The following DNAH6 variants were observed in gnomAD, a reference collection of about 807,000 sequenced individuals.
DNAH6 encodes dynein axonemal heavy chain 6, also known as axonemal beta dynein heavy chain 6.
DNAH6 carries 340 observed loss-of-function variants against 491.4 expected under a neutral mutation model. That is an observed-to-expected ratio of 0.69 (90% CI 0.63 to 0.76). The LOEUF (loss-of-function observed/expected upper bound fraction) is 0.76. Ranked by LOEUF, DNAH6 falls within the 30% of genes least tolerant of loss-of-function variation. The probability of loss-of-function intolerance (pLI) is 0.00; values close to 1 mark genes in which losing one functional copy is unlikely to be tolerated. For missense variants in DNAH6, 4,443 were observed against 4,972.2 expected (o/e 0.89, Z 3.20); for synonymous variants, 1,603 against 1,686.1 (o/e 0.95, Z 1.21).
At chr2:84,804,101 G>A (rs1238811342) in intron 70 of DNAH6, among the ~76,000 whole-genome samples, 2 of 151,738 alleles carry the variant, frequency 1.3e-5, no homozygotes, top group Admixed American at 6.6e-5. Context: ...CAGCTACTTG[G>A]AGGCTGAGGC....
In DNAH6 at chr2:84,796,396, TAGA is replaced by T. The variant is rs755768699; in HGVS notation, c.11337_11339del (p.Glu3779del). 3.3e-5 allele frequency: 50 copies of T among 1,528,180 alleles called. No homozygotes were observed. In the African/African-American group the frequency reaches 5.4e-4, roughly 16 times the overall value. The allele number at this position is 1,528,180 out of a possible 1,614,324, so 94.7% of individuals were successfully genotyped here. A position where few individuals can be genotyped will look rare whatever the true frequency, so the allele number is the denominator to read the frequency against. On this transcript the variant is annotated inframe_deletion, in exon 69 of 77. Transcript: ENST00000389394. ...AAAAGATTTTTTTCTCCTGAAACAT[TAGA>T]AGAAGATTATAAATACTCTGAATCA...
intron 63 of DNAH6, among the ~76,000 whole-genome samples, chr2:84,755,526 T>G (rs1673925456): frequency 6.6e-6 from 1 of 152,220 alleles, no homozygotes; most frequent in Non-Finnish European, 1.5e-5. Context: ...CTAACTTGTT[T>G]ATTGGTTTTA....
At chr2:84,473,407 C>A in the DNAH6 span, among the ~76,000 whole-genome samples, 2 of 152,286 alleles carry the variant, frequency 1.3e-5, no homozygotes, top group Non-Finnish European at 1.5e-5. Flanking sequence ...AGCCACTCAA[C>A]CTGATCATCC....
chr2:84,723,193 A>G (rs1320191086), intron 60 of DNAH6, among the ~76,000 whole-genome samples: 3 of 152,128 alleles, frequency 2.0e-5, no homozygotes, highest in Non-Finnish European at 4.4e-5. Context: ...GTGCCACTGC[A>G]CTCCAGCCTG....
At chr2:84,735,519 T>G (rs1699466025) in intron 62 of DNAH6, among the ~76,000 whole-genome samples, 2 of 152,220 alleles carry the variant, frequency 1.3e-5, no homozygotes, top group African/African-American at 4.8e-5. Flanking sequence ...CAACAGTATG[T>G]AAGCATTCTC....
At chr2:84,688,033 G>C (rs186808799) in intron 44 of DNAH6, among the ~76,000 whole-genome samples, 23 of 152,090 alleles carry the variant, frequency 1.5e-4, no homozygotes, top group Middle Eastern at 3.4e-3. Flanking sequence ...TCAGGAGCTC[G>C]AGATCAGCCT....
Position 84,594,088 on chromosome 2 carries a change from A to G in DNAH6, c.2724+3A>G. ...AACTCCAACAAGAATGGTTAAAGGT[A>G]GGGGAAAAAAGCCTTCAGTTCTCAA... On this transcript the variant is annotated splice_donor_region_variant and intron_variant, in intron 17 of 76. Transcript: ENST00000389394. 2.8e-6 allele frequency: 4 copies of G among 1,450,386 alleles called. No individual in the cohort carries two copies. The highest frequency in any genetic ancestry group is 3.8e-6 in the Non-Finnish European group (4 of 1,063,680). 89.8% of individuals were successfully genotyped at this position (1,450,386 alleles called of 1,614,324 possible). A position where few individuals can be genotyped will look rare whatever the true frequency, so the allele number is the denominator to read the frequency against.
intron 64 of DNAH6, among the ~76,000 whole-genome samples, chr2:84,776,896 G>T (rs570915756): frequency 6.6e-6 from 1 of 152,162 alleles, no homozygotes; most frequent in Non-Finnish European, 1.5e-5. Context: ...CATATACACC[G>T]TGGAATACTA....
In DNAH6 at chr2:84,697,200, G is replaced by C. The variant is rs749548976; in HGVS notation, c.7525-375G>C. On this transcript the variant is annotated intron_variant, in intron 46 of 76. Transcript: ENST00000389394. ...GTAAACAAGACTGTAAACTATCTCT[G>C]TCCGTGCAAATGTATGGTGCATCAG... Among the ~76,000 whole-genome samples, 19 of 152,144 alleles carry C rather than the reference G, an allele frequency of 1.2e-4. 1 individual carries two copies. The highest frequency in any genetic ancestry group is 2.4e-4 in the Non-Finnish European group (16 of 68,026).
At chr2:84,754,242 C>T (rs947266266) in intron 63 of DNAH6, among the ~76,000 whole-genome samples, 2 of 152,026 alleles carry the variant, frequency 1.3e-5, no homozygotes, top group South Asian at 4.1e-4. Context: ...TGCAATGGCA[C>T]GATCTCGGCT....
chr2:84,791,225 C>A (rs1397696688), intron 68 of DNAH6, among the ~76,000 whole-genome samples: 13 of 149,564 alleles, frequency 8.7e-5, no homozygotes, highest in South Asian at 2.1e-4. Flanking sequence ...AAAACACACA[C>A]AAAAACAAAA....
At chr2:84,725,224 G>C (rs1698516335) in intron 60 of DNAH6, among the ~76,000 whole-genome samples, 2 of 152,138 alleles carry the variant, frequency 1.3e-5, no homozygotes, top group Non-Finnish European at 1.5e-5. Context: ...CAATTCTTAT[G>C]ACAGCTTGAT....
chr2:84,476,333 G>T, the DNAH6 span, among the ~76,000 whole-genome samples: 1 of 152,082 alleles, frequency 6.6e-6, no homozygotes, highest in African/African-American at 2.4e-5. Context: ...ATAGAATTTT[G>T]TATAGCACCA....
chr2:84,557,268 G>T (rs992560797), intron 10 of DNAH6, among the ~76,000 whole-genome samples: 3 of 152,156 alleles, frequency 2.0e-5, no homozygotes, highest in African/African-American at 7.2e-5. Context: ...CATGTCTTTT[G>T]ATTTGTCATA....
chr2:84,513,775 T>C (rs544593859), upstream of DNAH6, among the ~76,000 whole-genome samples: 27 of 152,164 alleles, frequency 1.8e-4, no homozygotes, highest in Non-Finnish European at 3.4e-4. Context: ...GCTTGCATTT[T>C]TTTCCCCAGA....
chr2:84,673,202 C>T (rs1030747206), intron 40 of DNAH6, among the ~76,000 whole-genome samples: 27 of 152,264 alleles, frequency 1.8e-4, no homozygotes, highest in Middle Eastern at 6.8e-3. Flanking sequence ...TAAAATACTA[C>T]GGTGGTGTGA....
intron 63 of DNAH6, among the ~76,000 whole-genome samples, chr2:84,759,436 G>A (rs1674357937): frequency 6.6e-6 from 1 of 152,096 alleles, no homozygotes; most frequent in South Asian, 2.1e-4. Context: ...TTGAACCCAG[G>A]AGGCAGAGGT....
At chr2:84,666,409 G>A (rs1692128857) in intron 37 of DNAH6, among the ~76,000 whole-genome samples, 1 of 152,110 alleles carries the variant, frequency 6.6e-6, no homozygotes, top group Non-Finnish European at 1.5e-5. Flanking sequence ...CAAAGTCTCA[G>A]GATACAAAAT....
rs1360950667 is a variant in DNAH6 at position 84,727,810 on chromosome 2, T to C, written c.10114T>C (p.Phe3372Leu). ...TGAGCAACATAAACTCATCTACAGCTTTATGCTTTGTGTTGAGATGATGCG... is the reference window on the plus strand; with the variant it reads ...TGAGCAACATAAACTCATCTACAGCCTTATGCTTTGTGTTGAGATGATGCG... Reference protein sequence around the residue: ...LFEQHKLIYSFMLCVEMMRQQ... With the variant: ...LFEQHKLIYSLMLCVEMMRQQ... Residue 3372 changes from phenylalanine to leucine, a missense_variant, in exon 61 of 77, where the codon TTT becomes CTT. Physicochemically the swap from Phe to Leu is conservative, Grantham distance 22. Around this residue, in one of 3 missense-constraint regions of DNAH6, gnomAD observed 1,463 missense variants for 1,656.6 expected, o/e 0.88. Transcript: ENST00000389394. The C allele has an allele frequency of 1.3e-6, 2 of 1,551,962 alleles. No homozygotes were observed. Among genetic ancestry groups the C allele is most frequent in the Admixed American group, 3.9e-5 (2 of 51,008 alleles).
Sources: allele counts gnomAD v4.1 joint callset (sites outside exome capture counted in the v4.1 genomes callset), GRCh38; gene constraint gnomAD v4.1.1; regional missense constraint gnomAD v4.1.1; transcripts MANE v1.5; gene names NCBI Gene and HGNC (gene_info 2026-07-23, HGNC 2026-07-21).